Variants in RARB observed in about 807,000 individuals in gnomAD.
RARB encodes HBV-activated protein.
RARB carries 17 observed loss-of-function variants against 51.9 expected under a neutral mutation model. The ratio of observed to expected loss-of-function variants is 0.33; its 90% CI spans 0.22 to 0.49. The LOEUF is 0.49. RARB is among the 20% of genes least tolerant of loss of function. The probability of loss-of-function intolerance (pLI) is 0.99; values close to 1 mark genes in which losing one functional copy is unlikely to be tolerated. For missense variants in RARB, 369 were observed against 550.8 expected (o/e 0.67, Z 3.30); for synonymous variants, 215 against 195.4 (o/e 1.10, Z -0.84).
chr3:24,844,858 T>C (rs1194309350), intron 1 of RARB, among the ~76,000 whole-genome samples: 2 of 152,130 alleles, frequency 1.3e-5, no homozygotes, highest in Non-Finnish European at 2.9e-5. Context: ...CTTGGCAAAA[T>C]TGTCAAGTCA....
At position 25,307,851 on chromosome 3, in the gene RARB, T is replaced by A. The variant is rs148256938; in HGVS notation, c.178+133276T>A. The stretch of plus-strand genomic sequence containing the variant: ...AAACTAAATGCTACCCCAAACCTGC[T>A]TTTCTAAATAAAGTTTTATTGGAAC... On this transcript the variant is annotated intron_variant, in intron 5 of 11. Transcript: ENST00000383772. 7.8e-3 allele frequency among the ~76,000 whole-genome samples: 1,183 copies of A among 152,346 alleles called. 50 individuals are homozygous for A. The highest frequency in any genetic ancestry group is 0.069 in the Admixed American group (1,056 of 15,302).
chr3:25,446,636 T>C (rs1369549607), intron 1 of RARB, among the ~76,000 whole-genome samples: 2 of 151,704 alleles, frequency 1.3e-5, no homozygotes, highest in African/African-American at 2.4e-5. Context: ...ACCCCATCTC[T>C]ACTAAAAATA....
At chr3:25,423,091 C>T (rs1029115235) in intron 5 of RARB, among the ~76,000 whole-genome samples, 1 of 152,192 alleles carries the variant, frequency 6.6e-6, no homozygotes, top group Non-Finnish European at 1.5e-5. Flanking sequence ...TGGCCCCGTA[C>T]AGAAAATGTT....
At chr3:25,583,693 C>G (rs1359656708) in intron 5 of RARB, among the ~76,000 whole-genome samples, 2 of 152,230 alleles carry the variant, frequency 1.3e-5, no homozygotes, top group East Asian at 3.9e-4. Flanking sequence ...CCCATCCTAG[C>G]CTTTGCTCGG....
chr3:24,901,164 C>T (rs528880279), intron 2 of RARB, among the ~76,000 whole-genome samples: 2 of 152,280 alleles, frequency 1.3e-5, no homozygotes, highest in Non-Finnish European at 2.9e-5. Flanking sequence ...AGTGTCTAAA[C>T]ATTTTTGCAC....
intron 3 of RARB, among the ~76,000 whole-genome samples, chr3:25,566,368 GGT>G (rs1256317207): frequency 2.6e-5 from 4 of 152,202 alleles, no homozygotes; most frequent in African/African-American, 9.7e-5. Flanking sequence ...AGACAGTGGT[GGT>G]GGGACTTCAC....
Position 25,200,958 on chromosome 3 carries a change from G to GT in RARB, c.178+26389dup, listed in dbSNP as rs565714545. 1.4e-4 allele frequency among the ~76,000 whole-genome samples: 22 copies of GT among 152,296 alleles called. No homozygotes were observed. The South Asian group carries it at 4.4e-3, about 30-fold the overall frequency. On this transcript the variant is annotated intron_variant, in intron 5 of 11. Coordinates refer to the RARB transcript ENST00000383772. The stretch of plus-strand genomic sequence containing the variant: ...TTGGTTCCATATGAAGTGTAAAGTA[G>GT]TTTTTTCCAATTCTGTGAAGAAAGT...
intron 5 of RARB, among the ~76,000 whole-genome samples, chr3:25,247,653 A>G (rs993276621): frequency 1.3e-5 from 2 of 152,182 alleles, no homozygotes; most frequent in South Asian, 4.1e-4. Context: ...GGCTGCACCC[A>G]CTGTCTAACC....
intron 3 of RARB, among the ~76,000 whole-genome samples, chr3:25,116,686 G>T (rs562390794): frequency 4.4e-4 from 67 of 151,962 alleles, no homozygotes; most frequent in African/African-American, 1.6e-3. Flanking sequence ...GTAAGTAAAT[G>T]GTATCTTTGA....
At chr3:25,140,099 G>A (rs1219972142) in intron 4 of RARB, among the ~76,000 whole-genome samples, 1 of 144,586 alleles carries the variant, frequency 6.9e-6, no homozygotes, top group East Asian at 2.0e-4. Context: ...TTTTTTGTTG[G>A]TTTGTTTGTT....
intron 3 of RARB, among the ~76,000 whole-genome samples, chr3:25,517,822 G>A (rs1698233993): frequency 6.6e-6 from 1 of 152,120 alleles, no homozygotes; most frequent in African/African-American, 2.4e-5. Flanking sequence ...AAAAAGGAAT[G>A]AAATATTGAT....
At chr3:24,964,488 C>T (rs914693650) in intron 2 of RARB, among the ~76,000 whole-genome samples, 1 of 152,156 alleles carries the variant, frequency 6.6e-6, no homozygotes, top group African/African-American at 2.4e-5. Context: ...CCACCACTCT[C>T]CATTTTATAT....
intron 2 of RARB, among the ~76,000 whole-genome samples, chr3:25,032,991 C>A (rs1013295702): frequency 6.6e-6 from 1 of 152,166 alleles, no homozygotes; most frequent in African/African-American, 2.4e-5. Context: ...ATTGAAATGT[C>A]CCTCATCACA....
At chr3:25,324,765 G>A (rs770559824) in intron 5 of RARB, 4 of 152,268 alleles carry the variant, frequency 2.6e-5, no homozygotes, top group South Asian at 2.1e-4. Flanking sequence ...TCAGCAGTGG[G>A]AGAGCAATCC....
At chr3:25,029,098 T>C (rs2125289096) in intron 2 of RARB, among the ~76,000 whole-genome samples, 1 of 152,340 alleles carries the variant, frequency 6.6e-6, no homozygotes, top group Non-Finnish European at 1.5e-5. Context: ...CCATATGCAG[T>C]TGTCTGTCTT....
intron 2 of RARB, among the ~76,000 whole-genome samples, chr3:24,883,162 T>A (rs777858105): frequency 1.6e-4 from 24 of 152,136 alleles, no homozygotes; most frequent in Non-Finnish European, 2.9e-4. Flanking sequence ...AAATCCCCTT[T>A]ATTTAAGCCA....
At chr3:24,978,845 G>A (rs528713295) in intron 2 of RARB, among the ~76,000 whole-genome samples, 1 of 151,884 alleles carries the variant, frequency 6.6e-6, no homozygotes, top group Non-Finnish European at 1.5e-5. Flanking sequence ...TGTGATGTTA[G>A]GGTGTCTATT....
chr3:25,309,585 C>A (rs1041179575), intron 5 of RARB, among the ~76,000 whole-genome samples: 23 of 150,196 alleles, frequency 1.5e-4, no homozygotes, highest in Admixed American at 5.3e-4. Context: ...GCAACCTCCC[C>A]CTCCCGAGTT....
At position 24,949,931 on chromosome 3, in the gene RARB, C is replaced by G. The variant is rs1325471861; in HGVS notation, c.-380+91179C>G. On this transcript the variant is annotated intron_variant, in intron 2 of 11. Transcript: ENST00000383772. Reference sequence around the variant, plus strand: ...GGAAACTGACACCGGATTCTCCAGCCAGTCATATTTTGTACCTTTGGATCA... The same window carrying G: ...GGAAACTGACACCGGATTCTCCAGCGAGTCATATTTTGTACCTTTGGATCA... 3.9e-5 allele frequency among the ~76,000 whole-genome samples: 6 copies of G among 152,312 alleles called. No individual in the cohort carries two copies. The East Asian group carries it at 9.6e-4, about 24-fold the overall frequency.
Sources: gnomAD v4.1 joint callset for allele counts (sites outside exome capture counted in the v4.1 genomes callset) on GRCh38, gnomAD v4.1.1 for gene constraint, MANE v1.5 for transcripts, NCBI Gene and HGNC (gene_info 2026-07-23, HGNC 2026-07-21) for gene names.